The following IMMT variants were observed in gnomAD, a reference collection of about 807,000 sequenced individuals.
IMMT encodes the protein inner membrane mitochondrial protein, also known as MICOS complex subunit MIC60.
A neutral mutation model predicts 92.7 loss-of-function variants in IMMT; 40 were observed. The observed-to-expected ratio is 0.43, with a 90% CI of 0.34 to 0.56. The LOEUF (loss-of-function observed/expected upper bound fraction) is 0.56. Among genes scored for constraint, IMMT ranks in the 20% least tolerant of loss-of-function variants. The probability of loss-of-function intolerance (pLI) is 0.03; values close to 1 mark genes in which losing one functional copy is unlikely to be tolerated. For missense variants in IMMT, 831 were observed against 912.1 expected (o/e 0.91, Z 1.14); for synonymous variants, 322 against 336.1 (o/e 0.96, Z 0.46).
intron 8 of IMMT, 53 bp from the exon 9 acceptor site, chr2:86,159,724 A>C: frequency 6.8e-7 from 1 of 1,469,236 alleles, no homozygotes; most frequent in East Asian, 2.3e-5. Flanking sequence ...ACTGTATTAA[A>C]AAGTTTTGAT....
chr2:86,178,667 T>G (rs1677615934), intron 3 of IMMT, among the ~76,000 whole-genome samples: 1 of 152,042 alleles, frequency 6.6e-6, no homozygotes, highest in African/African-American at 2.4e-5. Context: ...ATCTGGCAAG[T>G]TGCACTGCAT....
chr2:86,185,264 T>C (rs1672699026), intron 1 of IMMT, among the ~76,000 whole-genome samples: 1 of 152,032 alleles, frequency 6.6e-6, no homozygotes, highest in Non-Finnish European at 1.5e-5. Flanking sequence ...GAGATAAGCA[T>C]TAAAAAACAA....
intron 8 of IMMT, among the ~76,000 whole-genome samples, chr2:86,161,001 G>C (rs1676229221): frequency 1.3e-5 from 2 of 152,090 alleles, no homozygotes; most frequent in South Asian, 4.1e-4. Flanking sequence ...AGGGGGCTGA[G>C]GCAGGAGGAT....
intron 1 of IMMT, among the ~76,000 whole-genome samples, chr2:86,185,471 CAG>C (rs993696274): frequency 4.6e-5 from 7 of 152,122 alleles, no homozygotes; most frequent in Non-Finnish European, 7.3e-5. Flanking sequence ...AGGTGCCCCT[CAG>C]AGAGTCTTTT....
intron 12 of IMMT, among the ~76,000 whole-genome samples, chr2:86,148,588 G>A (rs908048356): frequency 1.3e-5 from 2 of 152,260 alleles, no homozygotes; most frequent in South Asian, 2.1e-4. Flanking sequence ...CTCCAGCCTG[G>A]GCGACAGAGC....
rs776461519 is a variant in IMMT, at chr2:86,144,526, T to C, written c.2019A>G (p.Gln673=). The change falls in exon 15 of 15, where the codon CAA becomes CAG. Residue 673 remains glutamine, a synonymous_variant. Coordinates refer to ENST00000410111, the MANE Select transcript of IMMT (RefSeq NM_006839.3). ...LQSLLLFPPQ[Q]LKPPPELCPE... The stretch of plus-strand genomic sequence containing the variant: ...GGCAGAGCTCTGGGGGCGGCTTCAG[T>C]TGCTGAGGTGGGAATAGGAGCAGGG... 3.7e-6 allele frequency: 6 copies of C among 1,613,882 alleles called. No individual in the cohort carries two copies. The East Asian group carries it at 1.1e-4, about 30-fold the overall frequency.
At chr2:86,151,588 G>T in intron 11 of IMMT, 68 bp from the exon 12 acceptor site, 2 of 1,121,240 alleles carry the variant, frequency 1.8e-6, no homozygotes, top group Non-Finnish European at 1.3e-6. Flanking sequence ...AAGGTAATCT[G>T]CATCAACTGA....
rs533141330 is a variant in IMMT at position 86,153,999 on chromosome 2, A to G, written c.1163-425T>C. Among the ~76,000 whole-genome samples, 20 of 152,134 alleles carry G rather than the reference A, an allele frequency of 1.3e-4. No homozygotes were observed. In the South Asian group the frequency reaches 4.2e-3, roughly 32 times the overall value. ...CACCTCAGCCTCCCAAGTAACTTGG[A>G]CTAGAGGTGTATGCCACCATACCCG... is the stretch of plus-strand genomic sequence containing the variant. On this transcript the variant is annotated intron_variant, in intron 10 of 14. Coordinates refer to ENST00000410111, the MANE Select transcript of IMMT (RefSeq NM_006839.3).
At chr2:86,190,830 A>G (rs1212855507) in intron 1 of IMMT, among the ~76,000 whole-genome samples, 1 of 152,186 alleles carries the variant, frequency 6.6e-6, no homozygotes, top group African/African-American at 2.4e-5. Context: ...TCTACTAAAA[A>G]TACAAAATAT....
At chr2:86,172,736 G>A (rs545201125) in intron 4 of IMMT, among the ~76,000 whole-genome samples, 1 of 152,186 alleles carries the variant, frequency 6.6e-6, no homozygotes, top group Admixed American at 6.5e-5. Context: ...ATTCACTCTA[G>A]CCTCATTTGC....
chr2:86,150,999 C>T (rs562029814), intron 12 of IMMT, among the ~76,000 whole-genome samples: 23 of 152,072 alleles, frequency 1.5e-4, no homozygotes, highest in Non-Finnish European at 2.8e-4. Flanking sequence ...TCACTGCAAC[C>T]TCTGCCTCCC....
At chr2:86,187,606 C>A (rs939474648) in intron 1 of IMMT, among the ~76,000 whole-genome samples, 1 of 152,034 alleles carries the variant, frequency 6.6e-6, no homozygotes, top group African/African-American at 2.4e-5. Context: ...TATGGTAATT[C>A]TATGTTTAAA....
chr2:86,156,530 G>A (rs1675868122), intron 10 of IMMT, among the ~76,000 whole-genome samples: 1 of 147,838 alleles, frequency 6.8e-6, no homozygotes, highest in Non-Finnish European at 1.5e-5. Context: ...TGAGGCGGAG[G>A]TTGCAGTGAG....
rs768977036 is a variant in IMMT, at chr2:86,171,203, A to G, written c.559+5T>C. The G allele has an allele frequency of 6.3e-6, 10 of 1,578,434 alleles. No homozygotes were observed. In the Admixed American group the frequency reaches 1.1e-4, roughly 17 times the overall value. The stretch of plus-strand genomic sequence containing the variant: ...TAAAAGAACAAATAGAAATAATTAA[A>G]TTACCTGAAAGTGCAGGTGTGGGTT... On this transcript the variant is annotated splice_donor_5th_base_variant and intron_variant, in intron 5 of 14. Transcript: ENST00000410111.
chr2:86,166,696 C>T (rs1676703127), intron 6 of IMMT, 52 bp from the exon 7 acceptor site: 1 of 1,501,292 alleles, frequency 6.7e-7, no homozygotes, highest in African/African-American at 1.4e-5. Flanking sequence ...CCATAAATGA[C>T]TTTAAACTTT....
chr2:86,149,602 G>A (rs973321242), intron 12 of IMMT, among the ~76,000 whole-genome samples: 6 of 152,204 alleles, frequency 3.9e-5, no homozygotes, highest in Admixed American at 1.3e-4. Context: ...GGAAGGCCGG[G>A]CATGGTACCT....
At chr2:86,168,494 G>A (rs1482186400) in intron 6 of IMMT, among the ~76,000 whole-genome samples, 5 of 152,014 alleles carry the variant, frequency 3.3e-5, no homozygotes, top group Non-Finnish European at 7.4e-5. Context: ...ATGGTGGTGG[G>A]TGCCTATAGT....
At chr2:86,159,326 C>A in intron 9 of IMMT, 1 of 607,510 alleles carries the variant, frequency 1.6e-6, no homozygotes, top group South Asian at 1.6e-5. Flanking sequence ...CTCAAGTTAT[C>A]TGCCCACCTC....
At chr2:86,153,449 TTATATC>T (rs1675628533) in intron 11 of IMMT, 105 bp downstream of exon 11, 3 of 569,218 alleles carry the variant, frequency 5.3e-6, no homozygotes, top group African/African-American at 2.0e-5. Flanking sequence ...TAATTCTACT[TTATATC>T]TATTTAGATG....
Sources: allele counts gnomAD v4.1 joint callset (sites outside exome capture counted in the v4.1 genomes callset), GRCh38; gene constraint gnomAD v4.1.1; transcripts MANE v1.5; gene names NCBI Gene and HGNC (gene_info 2026-07-23, HGNC 2026-07-21).